CNTN4: variants seen among roughly 807,000 people sequenced by gnomAD.
CNTN4 encodes the protein contactin 4, also known as contactin-4.
A neutral mutation model predicts 122.5 loss-of-function variants in CNTN4; 77 were observed. That is an observed-to-expected ratio of 0.63 (90% CI 0.52 to 0.76). The LOEUF (loss-of-function observed/expected upper bound fraction) is 0.76, where lower values mean the gene tolerates loss of function less well. Among genes scored for constraint, CNTN4 ranks in the 30% least tolerant of loss-of-function variants. CNTN4 has a pLI of 0.00. For synonymous variants in CNTN4, 512 were observed against 447.0 expected (o/e 1.15, Z -1.83); for missense variants, 1,256 against 1,259.1 (o/e 1.00, Z 0.04).
intron 4 of CNTN4, among the ~76,000 whole-genome samples, chr3:2,683,298 C>G (rs1208205585): frequency 6.6e-6 from 1 of 150,540 alleles, no homozygotes; most frequent in Non-Finnish European, 1.5e-5. Context: ...AGACCCTGCC[C>G]AAATCCACAT....
At chr3:2,409,786 A>G (rs924651316) in intron 3 of CNTN4, among the ~76,000 whole-genome samples, 5 of 152,136 alleles carry the variant, frequency 3.3e-5, no homozygotes, top group African/African-American at 1.2e-4. Context: ...GCATATGTAT[A>G]TTATCTATGT....
intron 2 of CNTN4, among the ~76,000 whole-genome samples, chr3:2,306,619 A>G (rs957199166): frequency 1.3e-4 from 20 of 152,064 alleles, no homozygotes; most frequent in Admixed American, 9.8e-4. Context: ...GAATTTCCAT[A>G]TGAATATAAG....
At chr3:2,653,043 T>C (rs76646538) in intron 4 of CNTN4, among the ~76,000 whole-genome samples, 11,321 of 152,138 alleles carry the variant, frequency 0.074, 614 homozygotes, top group South Asian at 0.27. Context: ...TGTTTTTTGG[T>C]CAAAAATGAA....
chr3:2,591,107 C>G (rs2149658403), intron 4 of CNTN4, among the ~76,000 whole-genome samples: 1 of 152,254 alleles, frequency 6.6e-6, no homozygotes, highest in East Asian at 1.9e-4. Flanking sequence ...TTGCTTTCAT[C>G]TCAGTTTGTA....
At chr3:2,234,801 A>C (rs772035314) in intron 2 of CNTN4, among the ~76,000 whole-genome samples, 1 of 152,102 alleles carries the variant, frequency 6.6e-6, no homozygotes, top group Non-Finnish European at 1.5e-5. Flanking sequence ...TCTCTTGTTT[A>C]AGAAGTAGCA....
At chr3:2,794,483 T>C (rs1429709910) in intron 6 of CNTN4, among the ~76,000 whole-genome samples, 1 of 152,206 alleles carries the variant, frequency 6.6e-6, no homozygotes, top group African/African-American at 2.4e-5. Context: ...AAAAGCACTG[T>C]TTTTAGAACA....
chr3:2,127,864 A>C (rs75921908), intron 2 of CNTN4, among the ~76,000 whole-genome samples: 4,302 of 152,294 alleles, frequency 0.028, 69 homozygotes, highest in Middle Eastern at 0.099. Context: ...TGGTGTAGTC[A>C]AAAGCAAGCT....
At chr3:2,794,239 C>T (rs2092100059) in intron 6 of CNTN4, among the ~76,000 whole-genome samples, 1 of 152,116 alleles carries the variant, frequency 6.6e-6, no homozygotes, top group Admixed American at 6.6e-5. Context: ...GTGCCCGATC[C>T]ATCAGTAGAA....
At chr3:2,527,511 G>A (rs1438896855) in intron 3 of CNTN4, among the ~76,000 whole-genome samples, 1 of 152,194 alleles carries the variant, frequency 6.6e-6, no homozygotes, top group Non-Finnish European at 1.5e-5. Context: ...TCAAGATTTA[G>A]CATCTGAAAC....
chr3:2,955,168 G>A (rs1220312600), intron 13 of CNTN4, among the ~76,000 whole-genome samples: 1 of 152,090 alleles, frequency 6.6e-6, no homozygotes, highest in Non-Finnish European at 1.5e-5. Context: ...GAGACAGCCA[G>A]GTGCTCACCA....
chr3:2,780,849 A>G (rs2091539529), intron 6 of CNTN4, among the ~76,000 whole-genome samples: 1 of 152,228 alleles, frequency 6.6e-6, no homozygotes. Context: ...AATTATCTTT[A>G]GCATCCCTGC....
At chr3:2,751,656 G>T (rs751415820) in intron 6 of CNTN4, among the ~76,000 whole-genome samples, 2 of 152,126 alleles carry the variant, frequency 1.3e-5, no homozygotes, top group Non-Finnish European at 2.9e-5. Flanking sequence ...ACAGAATGAA[G>T]TGCTATAGCT....
At chr3:2,272,449 A>G (rs1000961954) in intron 2 of CNTN4, among the ~76,000 whole-genome samples, 16 of 152,334 alleles carry the variant, frequency 1.1e-4, no homozygotes, top group African/African-American at 3.4e-4. Flanking sequence ...GTTTAAAGTC[A>G]TTGAATAGAG....
chr3:2,847,283 C>A (rs771987033), intron 7 of CNTN4, among the ~76,000 whole-genome samples: 10 of 151,860 alleles, frequency 6.6e-5, no homozygotes, highest in Non-Finnish European at 1.3e-4. Flanking sequence ...AGAGAGTCAG[C>A]TAAAGACTGA....
chr3:2,421,345 G>A (rs1438175945), intron 3 of CNTN4, among the ~76,000 whole-genome samples: 8 of 151,010 alleles, frequency 5.3e-5, no homozygotes, highest in South Asian at 2.1e-4. Flanking sequence ...CTCTACTCAC[G>A]GGTTCAAGCA....
At chr3:2,703,927 A>G (rs1183274154) in intron 4 of CNTN4, among the ~76,000 whole-genome samples, 1 of 152,196 alleles carries the variant, frequency 6.6e-6, no homozygotes, top group South Asian at 2.1e-4. Flanking sequence ...ATTTGAGTCT[A>G]GAAAATCTCC....
At chr3:2,579,541 T>C (rs1384609831) in intron 4 of CNTN4, among the ~76,000 whole-genome samples, 2 of 152,176 alleles carry the variant, frequency 1.3e-5, no homozygotes, top group Non-Finnish European at 2.9e-5. Context: ...GTTTCTTTTT[T>C]TTTTTATCTG....
intron 3 of CNTN4, among the ~76,000 whole-genome samples, chr3:2,557,885 A>G (rs1233543529): frequency 6.6e-6 from 1 of 152,166 alleles, no homozygotes; most frequent in African/African-American, 2.4e-5. Context: ...GGAATTCAGA[A>G]TTTATTTTTT....
At chr3:2,152,783 A>G (rs1294464065) in intron 2 of CNTN4, among the ~76,000 whole-genome samples, 1 of 152,114 alleles carries the variant, frequency 6.6e-6, no homozygotes, top group Non-Finnish European at 1.5e-5. Flanking sequence ...CCGGTGGGTC[A>G]TGTCGATGTG....
Sources: gnomAD v4.1 joint callset for allele counts (sites outside exome capture counted in the v4.1 genomes callset) on GRCh38, gnomAD v4.1.1 for gene constraint, MANE v1.5 for transcripts, NCBI Gene and HGNC (gene_info 2026-07-23, HGNC 2026-07-21) for gene names.